Variants in POU2F2 observed in about 807,000 individuals in gnomAD.
POU2F2 encodes the protein POU domain, class 2, transcription factor 2.
A neutral mutation model predicts 63.5 loss-of-function variants in POU2F2; 14 were observed. The observed-to-expected ratio is 0.22, with a 90% CI of 0.15 to 0.34. The LOEUF is 0.34. POU2F2 is among the 10% of genes least tolerant of loss of function. POU2F2 has a pLI of 1.00. For synonymous variants in POU2F2, 306 were observed against 348.6 expected (o/e 0.88, Z 1.36); for missense variants, 607 against 815.2 (o/e 0.74, Z 3.11).
At chr19:42,183,945 C>G (rs1159152943) in intron 1 of POU2F2, among the ~76,000 whole-genome samples, 2 of 151,490 alleles carry the variant, frequency 1.3e-5, no homozygotes, top group Non-Finnish European at 2.9e-5. Context: ...TAAAACCCAC[C>G]TGCACCTGAA....
chr19:42,154,626 T>TGAGAGA (rs2034422532), intron 2 of POU2F2, among the ~76,000 whole-genome samples: 1 of 148,036 alleles, frequency 6.8e-6, no homozygotes, highest in African/African-American at 2.5e-5. Flanking sequence ...TGAGTGAGAG[T>TGAGAGA]GAGAGAGAAA....
chr19:42,182,514 A>G (rs2034973691), intron 1 of POU2F2, among the ~76,000 whole-genome samples: 1 of 152,148 alleles, frequency 6.6e-6, no homozygotes, highest in African/African-American at 2.4e-5. Context: ...AGAAGGAGAT[A>G]AAGACCGAAG....
chr19:42,122,345 T>C lies in POU2F2; in HGVS notation c.128A>G (p.Gln43Arg). ...CCCGCTTATCCACTCCCTCCTAACCTGATGATTAGTGTCTGGTCCATTTCT... is the reference window on the plus strand; with the variant it reads ...CCCGCTTATCCACTCCCTCCTAACCCGATGATTAGTGTCTGGTCCATTTCT... ...TERNGPDTNHQNPQNKTSPFS... is the reference protein window; with the variant it reads ...TERNGPDTNHRNPQNKTSPFS... The change falls in exon 3 of 15, where the codon CAG (glutamine) becomes CGG (arginine). Residue 43 changes from glutamine to arginine, a missense_variant and splice_region_variant. Around this residue, in one of 7 missense-constraint regions of POU2F2, gnomAD observed 224 missense variants for 264.3 expected, o/e 0.85. Coordinates refer to ENST00000692977, the MANE Select transcript of POU2F2 (RefSeq NM_001394376.1). The C allele has an allele frequency of 1.1e-6, 1 of 950,318 alleles. No individual in the cohort carries two copies. The highest frequency in any genetic ancestry group is 1.5e-6 in the Non-Finnish European group (1 of 660,626). 58.9% of individuals were successfully genotyped at this position (950,318 alleles called of 1,614,324 possible). A position where few individuals can be genotyped will look rare whatever the true frequency, so the allele number is the denominator to read the frequency against.
rs1283228567 is a variant in POU2F2 at position 42,169,426 on chromosome 19, G to C, written c.-70+6537C>G. Among the ~76,000 whole-genome samples, 1 of 152,228 alleles carries C rather than the reference G, an allele frequency of 6.6e-6. No individual in the cohort carries two copies. The highest frequency in any genetic ancestry group is 1.5e-5 in the Non-Finnish European group (1 of 68,038). The stretch of plus-strand genomic sequence containing the variant: ...CACAGACATCTGGGTTTTCATACCT[G>C]TGTCTGAGTATGTGTTTACCCCTGT... On this transcript the variant is annotated intron_variant, in intron 1 of 6. Transcript: ENST00000524801. This position sits in a 1 kb window ranked among gnomAD's most constrained non-coding sequence, Gnocchi z 4.3.
intron 1 of POU2F2, among the ~76,000 whole-genome samples, chr19:42,189,141 G>A (rs911139372): frequency 1.3e-5 from 2 of 152,142 alleles, no homozygotes; most frequent in African/African-American, 4.8e-5. Flanking sequence ...GTGAAGGCCG[G>A]GGCTGGTAAG....
intron 1 of POU2F2, among the ~76,000 whole-genome samples, chr19:42,196,163 T>C (rs573658624): frequency 1.3e-5 from 2 of 152,254 alleles, no homozygotes; most frequent in South Asian, 2.1e-4. Context: ...CGACCCGCTG[T>C]GTCCACATCA....
intron 5 of POU2F2, among the ~76,000 whole-genome samples, chr19:42,103,941 G>T (rs1471154393): frequency 1.3e-5 from 2 of 152,096 alleles, no homozygotes; most frequent in Non-Finnish European, 2.9e-5. Flanking sequence ...GCCAGAAGGG[G>T]CTCATTTCTT....
rs2076787782 is a variant in POU2F2 at position 42,093,011 on chromosome 19, T to TATA, written c.1265-742_1265-741insTAT. Among the ~76,000 whole-genome samples, 326 of 92,764 alleles carry TATA rather than the reference T, an allele frequency of 3.5e-3. 1 individual carries two copies. The highest frequency in any genetic ancestry group is 0.014 in the African/African-American group (302 of 21,082). 60.9% of individuals were successfully genotyped at this position (92,764 alleles called of 152,430 possible). A position where few individuals can be genotyped will look rare whatever the true frequency, so the allele number is the denominator to read the frequency against. ...TGTATATATATATATATATATATAT[T>TATA]TTTTTTTTTTTTTTTTTTGAGATGG... On this transcript the variant is annotated intron_variant, in intron 12 of 14. Coordinates refer to ENST00000692977, the MANE Select transcript of POU2F2 (RefSeq NM_001394376.1).
intron 1 of POU2F2, among the ~76,000 whole-genome samples, chr19:42,125,681 G>A (rs1041875080): frequency 6.6e-6 from 1 of 152,132 alleles, no homozygotes; most frequent in Non-Finnish European, 1.5e-5. Flanking sequence ...GCCTCCTCTG[G>A]CCTCCGTCCC....
rs879034620 is a variant in POU2F2 at position 42,090,997 on chromosome 19, G to GT, written c.*259dup. 2.5e-3 allele frequency: 786 copies of GT among 312,096 alleles called. 2 individuals are homozygous for GT. Among genetic ancestry groups the GT allele is most frequent in the South Asian group, 9.0e-3 (65 of 7,202 alleles). 19.3% of individuals were successfully genotyped at this position (312,096 alleles called of 1,614,324 possible). ...TTTTTTTTTTTTTGGTTTGTTTTTG[G>GT]TTTTTTTTTGTTTGTTTTTCACCTC... On this transcript the variant is annotated 3_prime_UTR_variant, in exon 15 of 15. Transcript: ENST00000692977. This position sits in a 1 kb window ranked among gnomAD's most constrained non-coding sequence, Gnocchi z 4.4.
intron 1 of POU2F2, 124 bp from the exon 2 acceptor site, chr19:42,122,700 G>A: frequency 1.2e-6 from 1 of 862,096 alleles, no homozygotes; most frequent in Non-Finnish European, 1.8e-6. Context: ...CAGCCACCTT[G>A]GAAGTGTCTC....
chr19:42,117,012 G>T lies in POU2F2; in HGVS notation c.369+238C>A. On this transcript the variant is annotated intron_variant, in intron 5 of 14. Coordinates refer to ENST00000692977, the MANE Select transcript of POU2F2 (RefSeq NM_001394376.1). This position sits in a 1 kb window ranked among gnomAD's most constrained non-coding sequence, Gnocchi z 4.4. ...CTGGCATCAGTGCCGTGAGCTGCGGGGTGTCGGGGACAGCAGGAATTGGAG... is the reference window on the plus strand; with the variant it reads ...CTGGCATCAGTGCCGTGAGCTGCGGTGTGTCGGGGACAGCAGGAATTGGAG... 2 of 630,838 alleles carry T rather than the reference G, an allele frequency of 3.2e-6. No individual in the cohort carries two copies. The highest frequency in any genetic ancestry group is 1.7e-5 in the South Asian group (1 of 60,570). The allele number at this position is 630,838 out of a possible 1,614,324, so 39.1% of individuals were successfully genotyped here. A position where few individuals can be genotyped will look rare whatever the true frequency, so the allele number is the denominator to read the frequency against.
rs1038434616 is a variant in POU2F2 at position 42,162,418 on chromosome 19, G to T, written c.-69-2026C>A. 2.0e-5 allele frequency among the ~76,000 whole-genome samples: 3 copies of T among 152,142 alleles called. No individual in the cohort carries two copies. The highest frequency in any genetic ancestry group is 3.9e-4 in the East Asian group (2 of 5,186). The stretch of plus-strand genomic sequence containing the variant: ...CCTTAAGACTGGGAGCTATTTAGAA[G>T]ATGTCTTCCCCCATTGTACAGATGG... On this transcript the variant is annotated intron_variant, in intron 1 of 6. Transcript: ENST00000524801. This position sits in a 1 kb window ranked among gnomAD's most constrained non-coding sequence, Gnocchi z 4.1.
chr19:42,184,876 T>C (rs1568427633), intron 1 of POU2F2, among the ~76,000 whole-genome samples: 1 of 152,072 alleles, frequency 6.6e-6, no homozygotes, highest in Non-Finnish European at 1.5e-5. Context: ...TCTCCTAAGC[T>C]TCACATCAGG....
In POU2F2 at chr19:42,096,306, G is replaced by T; in HGVS notation, c.568-63C>A. The T allele has an allele frequency of 2.1e-6, 3 of 1,436,536 alleles. No individual in the cohort carries two copies. Among genetic ancestry groups the T allele is most frequent in the Non-Finnish European group, 2.8e-6 (3 of 1,079,114 alleles). 89.0% of individuals were successfully genotyped at this position (1,436,536 alleles called of 1,614,324 possible). On this transcript the variant is annotated intron_variant, in intron 7 of 14. Transcript: ENST00000692977. The surrounding 1 kb of genome is among the most constrained non-coding windows in gnomAD (Gnocchi z 4.1). Reference sequence around the variant, plus strand: ...GGACCAGGATGGGGCTCAGCGATGGGTGCACAGTCCCCCTCCCGCCCTCTT... The same window carrying T: ...GGACCAGGATGGGGCTCAGCGATGGTTGCACAGTCCCCCTCCCGCCCTCTT...
At position 42,086,199 on chromosome 19, in the gene POU2F2, TAAAAG is replaced by T. The variant is rs1003840692; in HGVS notation, c.*5053_*5057del. On this transcript the variant is annotated 3_prime_UTR_variant, in exon 15 of 15. Coordinates refer to ENST00000692977, the MANE Select transcript of POU2F2 (RefSeq NM_001394376.1). ...CACTCAAGTTACAAAAATGGGGCCT[TAAAAG>T]AAGCACATTGTACAATGAACAAGCA... is the stretch of plus-strand genomic sequence containing the variant. 6 of 152,024 alleles carry T rather than the reference TAAAAG, an allele frequency of 3.9e-5. No individual in the cohort carries two copies. The highest frequency in any genetic ancestry group is 2.0e-4 in the Admixed American group (3 of 15,248). 9.4% of individuals were successfully genotyped at this position (152,024 alleles called of 1,614,324 possible). A position where few individuals can be genotyped will look rare whatever the true frequency, so the allele number is the denominator to read the frequency against.
At chr19:42,145,295 G>T (rs931217861) in intron 2 of POU2F2, among the ~76,000 whole-genome samples, 1 of 152,124 alleles carries the variant, frequency 6.6e-6, no homozygotes, top group Non-Finnish European at 1.5e-5. Flanking sequence ...AGCTGCCTTG[G>T]CCTCTCTCAG....
intron 1 of POU2F2, among the ~76,000 whole-genome samples, chr19:42,161,187 A>G (rs2146787116): frequency 6.6e-6 from 1 of 152,298 alleles, no homozygotes; most frequent in Non-Finnish European, 1.5e-5. Flanking sequence ...CCAAACCTGG[A>G]AGACAAATTT....
At chr19:42,182,392 G>A (rs898158754) in intron 1 of POU2F2, among the ~76,000 whole-genome samples, 1 of 152,032 alleles carries the variant, frequency 6.6e-6, no homozygotes, top group Non-Finnish European at 1.5e-5. Flanking sequence ...AGGAGAATGG[G>A]TGTGAGAGAA....
Sources: gnomAD v4.1 joint callset for allele counts (sites outside exome capture counted in the v4.1 genomes callset) on GRCh38, gnomAD v4.1.1 for gene constraint, gnomAD v4.1.1 regional missense constraint, Gnocchi (gnomAD v3.1) non-coding constraint, MANE v1.5 for transcripts, NCBI Gene and HGNC (gene_info 2026-07-23, HGNC 2026-07-21) for gene names.